Variants in OGA observed in about 807,000 individuals in gnomAD.
OGA encodes the protein O-GlcNAcase, also known as protein O-GlcNAcase.
Under a neutral mutation model 102.0 loss-of-function variants are expected in OGA, and 21 were observed. The ratio of observed to expected loss-of-function variants is 0.21; its 90% CI spans 0.15 to 0.30. The LOEUF is 0.30. Ranked by LOEUF, OGA falls within the 10% of genes least tolerant of loss-of-function variation. The pLI is 1.00. For missense variants in OGA, 765 were observed against 1,107.8 expected (o/e 0.69, Z 4.39); for synonymous variants, 408 against 378.2 (o/e 1.08, Z -0.91).
At chr10:101,793,017 G>A in intron 11 of OGA, 74 bp from the exon 12 acceptor site, 1 of 1,155,266 alleles carries the variant, frequency 8.7e-7, no homozygotes, top group South Asian at 1.2e-5. Flanking sequence ...GTGCACTGCA[G>A]ATTACCAACT....
At chr10:101,795,208 C>T (rs1285514802) in intron 10 of OGA, among the ~76,000 whole-genome samples, 1 of 152,154 alleles carries the variant, frequency 6.6e-6, no homozygotes, top group Non-Finnish European at 1.5e-5. Context: ...AGCCAATTTC[C>T]CCTACCCCCT....
chr10:101,799,815 T>C (rs2065365531), intron 8 of OGA, among the ~76,000 whole-genome samples: 1 of 152,240 alleles, frequency 6.6e-6, no homozygotes, highest in South Asian at 2.1e-4. Flanking sequence ...CCTTATTCTC[T>C]AGATCCCCCA....
At chr10:101,801,180 C>T (rs2065386603) in intron 7 of OGA, among the ~76,000 whole-genome samples, 1 of 151,890 alleles carries the variant, frequency 6.6e-6, no homozygotes. Context: ...CACCTGAGGT[C>T]TGCAGTTTGA....
chr10:101,810,371 A>G, intron 3 of OGA, 57 bp from the exon 4 acceptor site: 1 of 1,475,834 alleles, frequency 6.8e-7, no homozygotes, highest in Non-Finnish European at 9.2e-7. Flanking sequence ...AAGAACCTTC[A>G]CTGAAGGTTT....
At chr10:101,793,659 T>C in intron 11 of OGA, 1 of 333,006 alleles carries the variant, frequency 3.0e-6, no homozygotes, top group South Asian at 3.9e-5. Context: ...CTGTGCGACC[T>C]GCAAAGAAAC....
At chr10:101,794,929 AAC>A (rs956395570) in intron 10 of OGA, among the ~76,000 whole-genome samples, 1 of 152,258 alleles carries the variant, frequency 6.6e-6, no homozygotes, top group African/African-American at 2.4e-5. Context: ...TGTTCAAGTT[AAC>A]AGTCTCATCA....
intron 1 of OGA, among the ~76,000 whole-genome samples, chr10:101,813,901 T>C (rs1485437072): frequency 6.6e-6 from 1 of 152,218 alleles, no homozygotes; most frequent in Non-Finnish European, 1.5e-5. Context: ...TTTCCACTGT[T>C]GATAAAGTCC....
Position 101,813,101 on chromosome 10 carries a change from T to C in OGA, c.278A>G (p.Tyr93Cys). The C allele has an allele frequency of 6.2e-7, 1 of 1,612,380 alleles. No individual in the cohort carries two copies. Among genetic ancestry groups the C allele is most frequent in the Non-Finnish European group, 8.5e-7 (1 of 1,179,234 alleles). ...GTAGTCATCTTTTGGGGCATACAAGTATGTATTTAATTCCCATTTCTGGAG... is the reference window on the plus strand; with the variant it reads ...GTAGTCATCTTTTGGGGCATACAAGCATGTATTTAATTCCCATTTCTGGAG... ...RRLQKWELNT[Y>C]LYAPKDDYKH... is the part of the protein sequence containing the mutation. The change falls in exon 3 of 16, where the codon TAC (tyrosine) becomes TGC (cysteine). Residue 93 changes from tyrosine (Y) to cysteine (C), a missense_variant. Tyr to Cys is a radical substitution (Grantham distance 194, BLOSUM62 -2). Coordinates refer to ENST00000361464, the MANE Select transcript of OGA (RefSeq NM_012215.5).
At chr10:101,805,166 A>G (rs1480965329) in intron 6 of OGA, among the ~76,000 whole-genome samples, 1 of 151,948 alleles carries the variant, frequency 6.6e-6, no homozygotes, top group Non-Finnish European at 1.5e-5. Flanking sequence ...CCCCCTAAGT[A>G]GCTGGGACTA....
At position 101,818,106 on chromosome 10, in the gene OGA, G is replaced by A. The variant is rs1421863457; in HGVS notation, c.-84C>T. The A allele has an allele frequency of 1.1e-5, 16 of 1,425,476 alleles. No individual in the cohort carries two copies. In the Admixed American group the frequency reaches 3.2e-4, roughly 29 times the overall value. The allele number at this position is 1,425,476 out of a possible 1,614,324, so 88.3% of individuals were successfully genotyped here. On this transcript the variant is annotated 5_prime_UTR_variant, in exon 1 of 16. Transcript: ENST00000361464. ...GCACCGGCCCGGAGCCCTGGAGAGG[G>A]CTTCAGCTCCAAGTGTGCGCCCCTC...
chr10:101,810,784 G>A (rs1350078330), intron 3 of OGA, among the ~76,000 whole-genome samples: 4 of 152,168 alleles, frequency 2.6e-5, no homozygotes, highest in Admixed American at 6.5e-5. Context: ...GCCCAAGGCT[G>A]GAGTGCAGTG....
At chr10:101,787,778 C>A in intron 14 of OGA, 1 of 378,798 alleles carries the variant, frequency 2.6e-6, no homozygotes, top group Non-Finnish European at 4.9e-6. Context: ...CTCTCTCTCT[C>A]TCTTTCCCTA....
intron 7 of OGA, among the ~76,000 whole-genome samples, chr10:101,802,978 TAAA>T (rs764237378): frequency 2.8e-3 from 192 of 68,586 alleles, no homozygotes; most frequent in African/African-American, 0.011. Context: ...GTCTCTACTT[TAAA>T]AAAAAAAAAA....
rs1047325578 is a variant in OGA at position 101,798,408 on chromosome 10, C to CT, written c.1810-255dup. Among the ~76,000 whole-genome samples, 919 of 132,998 alleles carry CT rather than the reference C, an allele frequency of 6.9e-3. 13 individuals carry two copies. The highest frequency in any genetic ancestry group is 0.011 in the South Asian group (45 of 4,204). The allele number at this position is 132,998 out of a possible 152,430, so 87.3% of individuals were successfully genotyped here. ...GTCCACATCCACTGTAAAGAACATA[C>CT]TTTTTTTTTTTTTTTTTTTTTGAGA... On this transcript the variant is annotated intron_variant, in intron 9 of 15. Coordinates refer to ENST00000361464, the MANE Select transcript of OGA (RefSeq NM_012215.5).
intron 14 of OGA, among the ~76,000 whole-genome samples, chr10:101,790,265 GTTTTTTTTT>G (rs869235919): frequency 2.3e-5 from 2 of 86,392 alleles, no homozygotes. Context: ...ATAATATCTT[GTTTTTTTTT>G]TTTTTTTTTT....
At position 101,798,692 on chromosome 10, in the gene OGA, G is replaced by A. The variant is rs559896616; in HGVS notation, c.1809+150C>T. 4.9e-6 allele frequency: 5 copies of A among 1,017,244 alleles called. No individual in the cohort carries two copies. In the African/African-American group the frequency reaches 8.1e-5, roughly 17 times the overall value. 63.0% of individuals were successfully genotyped at this position (1,017,244 alleles called of 1,614,324 possible). A position where few individuals can be genotyped will look rare whatever the true frequency, so the allele number is the denominator to read the frequency against. On this transcript the variant is annotated intron_variant, in intron 9 of 15. Coordinates refer to ENST00000361464, the MANE Select transcript of OGA (RefSeq NM_012215.5). Reference sequence around the variant, plus strand: ...GCCTCCCAAAGTTCTGGGACTACAGGCATGAGCCATCATAACCGGCCTAAA... The same window carrying A: ...GCCTCCCAAAGTTCTGGGACTACAGACATGAGCCATCATAACCGGCCTAAA...
chr10:101,795,973 T>A (rs1204219302), intron 10 of OGA: 1 of 854,710 alleles, frequency 1.2e-6, no homozygotes, highest in Non-Finnish European at 1.4e-6. Context: ...AGATAAACCC[T>A]GAGAAGAGAA....
At chr10:101,801,640 C>T (rs1589831833) in intron 7 of OGA, among the ~76,000 whole-genome samples, 1 of 152,128 alleles carries the variant, frequency 6.6e-6, no homozygotes, top group East Asian at 1.9e-4. Flanking sequence ...GTGCCATGTA[C>T]GCTGACAGCA....
chr10:101,786,461 C>T lies in OGA; in HGVS notation c.2741G>A (p.Arg914Gln). The T allele has an allele frequency of 1.9e-6, 3 of 1,605,834 alleles. No homozygotes were observed. The highest frequency in any genetic ancestry group is 2.5e-6 in the Non-Finnish European group (3 of 1,176,950). The change falls in exon 16 of 16, where the codon CGG (arginine) becomes CAG (glutamine). Residue 914 changes from arginine (R) to glutamine (Q), a missense_variant. By Grantham distance (43) the Arg-to-Gln change is conservative. Around this residue, in one of 7 missense-constraint regions of OGA, gnomAD observed 146 missense variants for 269.7 expected, o/e 0.54. Coordinates refer to ENST00000361464, the MANE Select transcript of OGA (RefSeq NM_012215.5). Reference sequence around the variant, plus strand: ...CAGTGTCAACAAATGTCACAGGCTCCGACCAAGTATAACCACATCCTTTGG... The same window carrying T: ...CAGTGTCAACAAATGTCACAGGCTCTGACCAAGTATAACCACATCCTTTGG... Reference protein sequence around the residue: ...GFPKDVVILGRSL With the variant: ...GFPKDVVILGQSL
Sources: gnomAD v4.1 joint callset for allele counts (sites outside exome capture counted in the v4.1 genomes callset) on GRCh38, gnomAD v4.1.1 for gene constraint, gnomAD v4.1.1 regional missense constraint, MANE v1.5 for transcripts, NCBI Gene and HGNC (gene_info 2026-07-23, HGNC 2026-07-21) for gene names.